The following SORD variants were observed in gnomAD, a reference collection of about 807,000 sequenced individuals.
SORD encodes the protein (R,R)-butanediol dehydrogenase.
A neutral mutation model predicts 35.6 loss-of-function variants in SORD; 18 were observed. The ratio of observed to expected loss-of-function variants is 0.51; its 90% CI spans 0.35 to 0.75. The LOEUF is 0.75. SORD is among the 30% of genes least tolerant of loss of function. The probability of loss-of-function intolerance (pLI) is 0.01; values close to 1 mark genes in which losing one functional copy is unlikely to be tolerated. For missense variants in SORD, 250 were observed against 390.2 expected, an observed-to-expected ratio of 0.64 and a Z score of 3.03; for synonymous variants, 106 against 152.9, an observed-to-expected ratio of 0.69 and a Z score of 2.26.
intron 1 of SORD, among the ~76,000 whole-genome samples, chr15:45,034,626 G>A (rs1441118512): frequency 6.6e-6 from 1 of 152,240 alleles, no homozygotes; most frequent in Non-Finnish European, 1.5e-5. Flanking sequence ...TGGTAGGGCA[G>A]CGGGAGCAGC....
intron 3 of SORD, among the ~76,000 whole-genome samples, chr15:45,044,953 C>T (rs1893024165): frequency 6.6e-6 from 1 of 152,120 alleles, no homozygotes; most frequent in Non-Finnish European, 1.5e-5. Context: ...CCACCTTTGC[C>T]TCCCAAACTG....
chr15:45,070,765 C>A (rs558884105), intron 7 of SORD: 1 of 152,290 alleles, frequency 6.6e-6, no homozygotes, highest in African/African-American at 2.4e-5. Context: ...TAAGTGACCT[C>A]CACCCCGCAG....
chr15:45,034,911 C>T (rs1404377728), intron 1 of SORD, among the ~76,000 whole-genome samples: 3 of 152,204 alleles, frequency 2.0e-5, no homozygotes, highest in Non-Finnish European at 4.4e-5. Context: ...GTGGGCTTGG[C>T]GGGCCCCGCA....
intron 1 of SORD, among the ~76,000 whole-genome samples, chr15:45,025,692 G>T: frequency 6.6e-6 from 1 of 152,000 alleles, no homozygotes; most frequent in Non-Finnish European, 1.5e-5. Flanking sequence ...ATTTCCTTGG[G>T]TGCAGGGGTC....
At chr15:45,023,392 A>C in intron 1 of SORD, 43 bp downstream of exon 1, 2 of 1,478,624 alleles carry the variant, frequency 1.4e-6, no homozygotes, top group East Asian at 2.6e-5. Flanking sequence ...ATCCTGCCTC[A>C]CTCTCCTCTG....
intron 5 of SORD, among the ~76,000 whole-genome samples, chr15:45,065,851 T>A (rs1185662012): frequency 6.6e-6 from 1 of 151,306 alleles, no homozygotes; most frequent in African/African-American, 2.4e-5. Flanking sequence ...GCCTGGGAGG[T>A]CAAGGGTGCA....
chr15:45,056,351 CAG>C (rs1403179809), intron 3 of SORD, among the ~76,000 whole-genome samples: 1 of 151,984 alleles, frequency 6.6e-6, no homozygotes, highest in African/African-American at 2.4e-5. Flanking sequence ...CAATAACAGA[CAG>C]AGAGCCAAAT....
intron 3 of SORD, among the ~76,000 whole-genome samples, chr15:45,048,321 A>T (rs1388686809): frequency 6.6e-6 from 1 of 152,244 alleles, no homozygotes; most frequent in Non-Finnish European, 1.5e-5. Context: ...TTTGTCTAGC[A>T]CAACAGTAGA....
chr15:45,047,850 A>AGG (rs1349961309), intron 3 of SORD, among the ~76,000 whole-genome samples: 2 of 152,198 alleles, frequency 1.3e-5, no homozygotes, highest in Non-Finnish European at 2.9e-5. Context: ...GGGCTCAGGC[A>AGG]GGGGGTCTGC....
chr15:45,057,893 A>G (rs1194392665), intron 3 of SORD, among the ~76,000 whole-genome samples: 2 of 152,244 alleles, frequency 1.3e-5, no homozygotes, highest in Non-Finnish European at 2.9e-5. Flanking sequence ...CCTCCCATAC[A>G]GTGCCATGAA....
At chr15:45,065,715 C>G (rs1304241151) in intron 5 of SORD, among the ~76,000 whole-genome samples, 2 of 152,116 alleles carry the variant, frequency 1.3e-5, no homozygotes, top group Non-Finnish European at 2.9e-5. Flanking sequence ...AGCCCAGGAG[C>G]TTGAGACCAG....
chr15:45,050,099 T>C (rs886876806), intron 3 of SORD, among the ~76,000 whole-genome samples: 5 of 152,256 alleles, frequency 3.3e-5, no homozygotes, highest in African/African-American at 4.8e-5. Context: ...TTCTTTTTTT[T>C]TGAGACGGAG....
intron 1 of SORD, among the ~76,000 whole-genome samples, chr15:45,034,105 T>C (rs1227015080): frequency 6.6e-6 from 1 of 151,950 alleles, no homozygotes; most frequent in Non-Finnish European, 1.5e-5. Context: ...AACCATAGTG[T>C]GAACTAATTA....
intron 1 of SORD, among the ~76,000 whole-genome samples, chr15:45,031,140 A>C (rs1457127165): frequency 6.6e-6 from 1 of 152,240 alleles, no homozygotes; most frequent in Non-Finnish European, 1.5e-5. Flanking sequence ...AGCCTGGGAA[A>C]GACCTTGTCT....
intron 4 of SORD, among the ~76,000 whole-genome samples, chr15:45,062,581 G>T (rs1322482140): frequency 6.6e-6 from 1 of 151,578 alleles, no homozygotes; most frequent in Non-Finnish European, 1.5e-5. Context: ...AGCCTTGAGA[G>T]GAGTCACAGG....
intron 1 of SORD, among the ~76,000 whole-genome samples, chr15:45,037,707 A>AACCAAAT (rs1387747093): frequency 6.6e-6 from 1 of 152,134 alleles, no homozygotes; most frequent in African/African-American, 2.4e-5. Context: ...AGGAACAGAA[A>AACCAAAT]ACCAAATACC....
At chr15:45,052,648 CAT>C (rs1044707883) in intron 3 of SORD, among the ~76,000 whole-genome samples, 3 of 152,166 alleles carry the variant, frequency 2.0e-5, no homozygotes, top group Admixed American at 6.5e-5. Flanking sequence ...AAAATTGTCT[CAT>C]AGAGTAACTG....
intron 1 of SORD, among the ~76,000 whole-genome samples, chr15:45,030,235 A>G (rs1046680226): frequency 6.6e-6 from 1 of 152,250 alleles, no homozygotes; most frequent in Admixed American, 6.5e-5. Flanking sequence ...GCAGGAGAAG[A>G]AGCAAGCAAT....
intron 1 of SORD, among the ~76,000 whole-genome samples, chr15:45,029,378 A>ATTAT (rs552312359): frequency 0.21 from 30,896 of 150,256 alleles, no homozygotes; most frequent in African/African-American, 0.44. Context: ...AGACCTGTGG[A>ATTAT]GTACTGGGCC....
Sources: gnomAD v4.1 joint callset for allele counts (sites outside exome capture counted in the v4.1 genomes callset) on GRCh38, gnomAD v4.1.1 for gene constraint, MANE v1.5 for transcripts, NCBI Gene and HGNC (gene_info 2026-07-23, HGNC 2026-07-21) for gene names.